KRTAP4-3: variants seen among roughly 807,000 people sequenced by gnomAD.
KRTAP4-3 encodes keratin-associated protein 4-3.
In KRTAP4-3, 2 loss-of-function variants were observed where a neutral mutation model predicts 0.2. The ratio of observed to expected loss-of-function variants is 8.29; its 90% CI spans 3.39 to 26.09. The LOEUF is 26.09. Ranked by LOEUF, KRTAP4-3 falls within the 30% of genes most tolerant of loss-of-function variation. KRTAP4-3 has a pLI of 0.03. For missense variants in KRTAP4-3, 186 were observed against 247.4 expected (o/e 0.75, Z 1.67); for synonymous variants, 65 against 83.6 (o/e 0.78, Z 1.21).
At position 41,167,612 on chromosome 17, in the gene KRTAP4-3, G is replaced by T. The variant is rs1177792874; in HGVS notation, c.561C>A (p.Pro187=). 1 of 1,609,116 alleles carries T rather than the reference G, an allele frequency of 6.2e-7. No individual in the cohort carries two copies. Among genetic ancestry groups the T allele is most frequent in the Non-Finnish European group, 8.5e-7 (1 of 1,176,168 alleles). The stretch of plus-strand genomic sequence containing the variant: ...AGCAGCAAGAACTGCCGCAGCAGAT[G>T]GGGTGGAAGCAGGTTGTTCTACAGC... ...TTCCRTTCFH[P]ICCGSSCC is the part of the protein sequence containing the mutation. Residue 187 remains proline (P), a synonymous_variant, in exon 1 of 1, where the codon CCC becomes CCA. Coordinates refer to ENST00000391356, the MANE Select transcript of KRTAP4-3 (RefSeq NM_033187.2).
Position 41,167,727 on chromosome 17 carries a change from C to G in KRTAP4-3, c.446G>C (p.Cys149Ser). Residue 149 changes from cysteine (C) to serine (S), a missense_variant, in exon 1 of 1, where the codon TGC becomes TCC. Cys to Ser is a moderately radical substitution (Grantham distance 112). Coordinates refer to ENST00000391356, the MANE Select transcript of KRTAP4-3 (RefSeq NM_033187.2). ...CYRPQCCQPSCCRPACCISSC... is the reference protein window; with the variant it reads ...CYRPQCCQPSSCRPACCISSC... ...AGAAATGCAGCAAGCCGGGCGGCAGCAGGAGGGCTGGCAGCACTGGGGCCT... is the reference window on the plus strand; with the variant it reads ...AGAAATGCAGCAAGCCGGGCGGCAGGAGGAGGGCTGGCAGCACTGGGGCCT... 1 of 1,613,870 alleles carries G rather than the reference C, an allele frequency of 6.2e-7. No individual in the cohort carries two copies. Among genetic ancestry groups the G allele is most frequent in the Admixed American group, 1.7e-5 (1 of 59,942 alleles).
At position 41,167,835 on chromosome 17, in the gene KRTAP4-3, G is replaced by A; in HGVS notation, c.338C>T (p.Ser113Phe). 2.5e-6 allele frequency: 4 copies of A among 1,600,796 alleles called. No homozygotes were observed. The highest frequency in any genetic ancestry group is 1.7e-5 in the Admixed American group (1 of 58,286). ...SCCISSCCRP[S>F]CCISSCCKPS... The stretch of plus-strand genomic sequence containing the variant: ...TTTGCAACAGCTAGAGATACAGCAG[G>A]AAGGCCTGCAGCAACTAGAAATGCA... The change falls in exon 1 of 1, where the codon TCC becomes TTC. Residue 113 changes from serine (S) to phenylalanine (F), a missense_variant. This residue lies in a region of KRTAP4-3 where 139 missense variants were observed against 128.3 expected (regional missense o/e 1.08). Coordinates refer to ENST00000391356, the MANE Select transcript of KRTAP4-3 (RefSeq NM_033187.2).
rs372531845 is a variant in KRTAP4-3 at position 41,167,752 on chromosome 17, T to A, written c.421A>T (p.Arg141Trp). Residue 141 changes from arginine (R) to tryptophan (W), a missense_variant, in exon 1 of 1, where the codon AGG becomes TGG. This residue lies in a region of KRTAP4-3 where 139 missense variants were observed against 128.3 expected (regional missense o/e 1.08). Coordinates refer to ENST00000391356, the MANE Select transcript of KRTAP4-3 (RefSeq NM_033187.2). ...RPSCCISSCYRPQCCQPSCCR... is the reference protein window; with the variant it reads ...RPSCCISSCYWPQCCQPSCCR... ...CAGGAGGGCTGGCAGCACTGGGGCC[T>A]GTAGCAGCTGGAGATACAGCAGCTG... The A allele has an allele frequency of 1.9e-5, 30 of 1,613,548 alleles. 1 individual carries two copies. The African/African-American group carries it at 3.3e-4, about 18-fold the overall frequency.
chr17:41,167,407 G>T lies in KRTAP4-3; in HGVS notation c.*178C>A. ...GATGTGGAATTTGACTGTAAATTCA[G>T]ATTCAATAGGAATAAAAACTTCTAT... is the stretch of plus-strand genomic sequence containing the variant. On this transcript the variant is annotated 3_prime_UTR_variant, in exon 1 of 1. Coordinates refer to ENST00000391356, the MANE Select transcript of KRTAP4-3 (RefSeq NM_033187.2). The T allele has an allele frequency of 1.9e-6, 1 of 532,660 alleles. No homozygotes were observed. Among genetic ancestry groups the T allele is most frequent in the Non-Finnish European group, 3.3e-6 (1 of 301,308 alleles). 33.0% of individuals were successfully genotyped at this position (532,660 alleles called of 1,614,324 possible).
chr17:41,167,642 G>T lies in KRTAP4-3; in HGVS notation c.531C>A (p.Thr177=). 1 of 1,613,778 alleles carries T rather than the reference G, an allele frequency of 6.2e-7. No homozygotes were observed. Among genetic ancestry groups the T allele is most frequent in the Non-Finnish European group, 8.5e-7 (1 of 1,179,676 alleles). ...SSCRCPFSCP[T]TCCRTTCFHP... ...GGAAGCAGGTTGTTCTACAGCAGGT[G>T]GTCGGGCAGCTGAAAGGGCAGCGGC... is the stretch of plus-strand genomic sequence containing the variant. The change falls in exon 1 of 1, where the codon ACC becomes ACA. Residue 177 remains threonine (T), a synonymous_variant. Transcript: ENST00000391356.
chr17:41,168,164 G>A lies in KRTAP4-3; in HGVS notation c.9C>T (p.Ser3=), dbSNP rs1239922159. The change falls in exon 1 of 1, where the codon AGC becomes AGT. Residue 3 remains serine, a synonymous_variant. Transcript: ENST00000391356. MV[S]SCCGSVCSDQ... is the part of the protein sequence containing the mutation. Reference sequence around the variant, plus strand: ...CAGAGCAGACAGAGCCACAGCAGGAGCTGACCATGGCGTCAGAGGGTGGAG... The same window carrying A: ...CAGAGCAGACAGAGCCACAGCAGGAACTGACCATGGCGTCAGAGGGTGGAG... 6.2e-7 allele frequency: 1 copy of A among 1,604,064 alleles called. No homozygotes were observed. Among genetic ancestry groups the A allele is most frequent in the South Asian group, 1.1e-5 (1 of 89,800 alleles).
Position 41,167,577 on chromosome 17 carries a change from A to C in KRTAP4-3, c.*8T>G. 1 of 1,589,306 alleles carries C rather than the reference A, an allele frequency of 6.3e-7. No homozygotes were observed. Among genetic ancestry groups the C allele is most frequent in the South Asian group, 1.1e-5 (1 of 87,142 alleles). On this transcript the variant is annotated 3_prime_UTR_variant, in exon 1 of 1. Coordinates refer to ENST00000391356, the MANE Select transcript of KRTAP4-3 (RefSeq NM_033187.2). ...GCAAGAAGGTGCACAAATCCAGAGC[A>C]GCTTCACTCAGCAGCAAGAACTGCC...
Position 41,168,106 on chromosome 17 carries a change from T to A in KRTAP4-3, c.67A>T (p.Ser23Cys), listed in dbSNP as rs1322779416. The A allele has an allele frequency of 6.7e-7, 1 of 1,501,932 alleles. No individual in the cohort carries two copies. The highest frequency in any genetic ancestry group is 2.3e-5 in the East Asian group (1 of 43,028). 93.0% of individuals were successfully genotyped at this position (1,501,932 alleles called of 1,614,324 possible). Residue 23 changes from serine to cysteine, a missense_variant, in exon 1 of 1, where the codon AGC becomes TGC. Transcript: ENST00000391356. Reference sequence around the variant, plus strand: ...TGGCAGCAGCTGGGGCGGCAGCAGCTCTCCTGGCCGAGACCTTGACCACAG... The same window carrying A: ...TGGCAGCAGCTGGGGCGGCAGCAGCACTCCTGGCCGAGACCTTGACCACAG... ...QSCGQGLGQE[S>C]CCRPSCCQTT...
chr17:41,167,736 T>A lies in KRTAP4-3; in HGVS notation c.437A>T (p.Gln146Leu), dbSNP rs2015061761. Residue 146 changes from glutamine (Q) to leucine (L), a missense_variant, in exon 1 of 1, where the codon CAG (glutamine) becomes CTG (leucine). Gln to Leu is a moderately radical substitution (Grantham distance 113). Transcript: ENST00000391356. ...GCAAGCCGGGCGGCAGCAGGAGGGC[T>A]GGCAGCACTGGGGCCTGTAGCAGCT... ...ISSCYRPQCCQPSCCRPACCI... is the reference protein window; with the variant it reads ...ISSCYRPQCCLPSCCRPACCI... The A allele has an allele frequency of 1.9e-6, 3 of 1,613,472 alleles. No individual in the cohort carries two copies. The highest frequency in any genetic ancestry group is 2.5e-6 in the Non-Finnish European group (3 of 1,179,812).
Position 41,167,908 on chromosome 17 carries a change from A to C in KRTAP4-3, c.265T>G (p.Cys89Gly), listed in dbSNP as rs556147990. The C allele has an allele frequency of 2.1e-5, 27 of 1,260,784 alleles. No homozygotes were observed. The East Asian group carries it at 5.1e-4, about 24-fold the overall frequency. The allele number at this position is 1,260,784 out of a possible 1,614,324, so 78.1% of individuals were successfully genotyped here. The change falls in exon 1 of 1, where the codon TGC (cysteine) becomes GGC (glycine). Residue 89 changes from cysteine (C) to glycine (G), a missense_variant. Cys to Gly is a radical substitution (Grantham distance 159). This residue lies in a region of KRTAP4-3 where 8 missense variants were observed against 65.2 expected (regional missense o/e 0.12). Coordinates refer to ENST00000391356, the MANE Select transcript of KRTAP4-3 (RefSeq NM_033187.2). ...GTCCTGCAGCAGCTGGGTTTGCAGC[A>C]GCTGGAGATACAGCAGGAAGGCCTG... ...CCRPSCCISS[C>G]CKPSCCRTTC... is the part of the protein sequence containing the mutation.
chr17:41,167,672 G>GGACACACA lies in KRTAP4-3; in HGVS notation c.493_500dup (p.Ser168ValfsTer33). On this transcript the variant is annotated frameshift_variant, in exon 1 of 1. Transcript: ENST00000391356. LOFTEE classifies it low-confidence loss of function (END_TRUNC). ...GGCAGCTGAAAGGGCAGCGGCAGCT[G>GGACACACA]GACACACAGCAGCTGGGATGACAGC... The GGACACACA allele has an allele frequency of 6.2e-7, 1 of 1,614,086 alleles. No homozygotes were observed. Among genetic ancestry groups the GGACACACA allele is most frequent in the South Asian group, 1.1e-5 (1 of 91,072 alleles).
rs766098812 is a variant in KRTAP4-3, at chr17:41,167,781, C to T, written c.392G>A (p.Arg131His). The change falls in exon 1 of 1, where the codon CGC becomes CAC. Residue 131 changes from arginine (R) to histidine (H), a missense_variant. By Grantham distance (29) the Arg-to-His change is conservative. Around this residue, in one of 3 missense-constraint regions of KRTAP4-3, gnomAD observed 139 missense variants for 128.3 expected, o/e 1.08. Coordinates refer to ENST00000391356, the MANE Select transcript of KRTAP4-3 (RefSeq NM_033187.2). ...GCAGCTGGAGATACAGCAGCTGGGGCGGCAGCAGGTGGTCTGGCAGCAGCT... is the reference window on the plus strand; with the variant it reads ...GCAGCTGGAGATACAGCAGCTGGGGTGGCAGCAGGTGGTCTGGCAGCAGCT... ...KPSCCQTTCC[R>H]PSCCISSCYR... 29 of 1,606,306 alleles carry T rather than the reference C, an allele frequency of 1.8e-5. No homozygotes were observed. The highest frequency in any genetic ancestry group is 9.6e-5 in the African/African-American group (7 of 72,952).
Position 41,167,265 on chromosome 17 carries a change from AT to A in KRTAP4-3, c.*319del, listed in dbSNP as rs2015055084. The A allele has an allele frequency of 3.9e-6, 1 of 257,378 alleles. No homozygotes were observed. Among genetic ancestry groups the A allele is most frequent in the Non-Finnish European group, 7.3e-6 (1 of 136,150 alleles). 15.9% of individuals were successfully genotyped at this position (257,378 alleles called of 1,614,324 possible). On this transcript the variant is annotated 3_prime_UTR_variant, in exon 1 of 1. Transcript: ENST00000391356. ...ACACTATGAAGTTTTATTGAGGAAC[AT>A]CAAACAATTCCACATGAAAATTGAT...
chr17:41,167,326 G>T lies in KRTAP4-3; in HGVS notation c.*259C>A. On this transcript the variant is annotated 3_prime_UTR_variant, in exon 1 of 1. Transcript: ENST00000391356. ...AACATTAGGAAGAAACATCTAGAAG[G>T]ATACCATTTGAAGATTTATGTATAT... 5.0e-6 allele frequency: 2 copies of T among 396,364 alleles called. No individual in the cohort carries two copies. Among genetic ancestry groups the T allele is most frequent in the Non-Finnish European group, 4.5e-6 (1 of 224,164 alleles). The allele number at this position is 396,364 out of a possible 1,614,324, so 24.6% of individuals were successfully genotyped here. A position where few individuals can be genotyped will look rare whatever the true frequency, so the allele number is the denominator to read the frequency against.
Position 41,167,536 on chromosome 17 carries a change from G to A in KRTAP4-3, c.*49C>T. ...TTCTCTGAATAGATACTCTGTGCCT[G>A]AACTGAAGGTTGAGAGCAAGAAGGT... On this transcript the variant is annotated 3_prime_UTR_variant, in exon 1 of 1. Coordinates refer to ENST00000391356, the MANE Select transcript of KRTAP4-3 (RefSeq NM_033187.2). 2.1e-6 allele frequency: 3 copies of A among 1,435,720 alleles called. No individual in the cohort carries two copies. Among genetic ancestry groups the A allele is most frequent in the Non-Finnish European group, 2.9e-6 (3 of 1,038,666 alleles). 88.9% of individuals were successfully genotyped at this position (1,435,720 alleles called of 1,614,324 possible).
chr17:41,167,590 A>T lies in KRTAP4-3; in HGVS notation c.583T>A (p.Cys195Ser), dbSNP rs753157876. The part of the protein sequence containing the change: ...FHPICCGSSC[C>S] The stretch of plus-strand genomic sequence containing the variant: ...CAAATCCAGAGCAGCTTCACTCAGC[A>T]GCAAGAACTGCCGCAGCAGATGGGG... Residue 195 changes from cysteine (C) to serine (S), a missense_variant, in exon 1 of 1, where the codon TGC (cysteine) becomes AGC (serine). By Grantham distance (112) the Cys-to-Ser change is moderately radical (BLOSUM62 -1). Around this residue, in one of 3 missense-constraint regions of KRTAP4-3, gnomAD observed 139 missense variants for 128.3 expected, o/e 1.08. Coordinates refer to ENST00000391356, the MANE Select transcript of KRTAP4-3 (RefSeq NM_033187.2). 6.9e-6 allele frequency: 11 copies of T among 1,601,380 alleles called. No individual in the cohort carries two copies. In the South Asian group the frequency reaches 9.0e-5, roughly 13 times the overall value.
Position 41,167,496 on chromosome 17 carries a change from C to T in KRTAP4-3, c.*89G>A. On this transcript the variant is annotated 3_prime_UTR_variant, in exon 1 of 1. Transcript: ENST00000391356. The stretch of plus-strand genomic sequence containing the variant: ...GTCCATGCCTCTGTTTTCACGACAT[C>T]AGGAAGTCCACATGTTCTCTGAATA... 1 of 1,031,176 alleles carries T rather than the reference C, an allele frequency of 9.7e-7. No homozygotes were observed. Among genetic ancestry groups the T allele is most frequent in the Non-Finnish European group, 1.4e-6 (1 of 700,222 alleles). The allele number at this position is 1,031,176 out of a possible 1,614,324, so 63.9% of individuals were successfully genotyped here.
chr17:41,167,936 G>A lies in KRTAP4-3; in HGVS notation c.237C>T (p.Cys79=). ...CCRPSCCISS[C]CRPSCCISSC... ...TGGAGATACAGCAGGAAGGCCTGCAGCAACTGGAAATGCAGCAGCTGGGGC... is the reference window on the plus strand; with the variant it reads ...TGGAGATACAGCAGGAAGGCCTGCAACAACTGGAAATGCAGCAGCTGGGGC... Residue 79 remains cysteine (C), a synonymous_variant, in exon 1 of 1, where the codon TGC becomes TGT. Transcript: ENST00000391356. The A allele has an allele frequency of 1.7e-6, 2 of 1,202,434 alleles. No individual in the cohort carries two copies. The highest frequency in any genetic ancestry group is 2.3e-6 in the Non-Finnish European group (2 of 867,104). The allele number at this position is 1,202,434 out of a possible 1,614,324, so 74.5% of individuals were successfully genotyped here. A position where few individuals can be genotyped will look rare whatever the true frequency, so the allele number is the denominator to read the frequency against.
chr17:41,167,646 G>T lies in KRTAP4-3; in HGVS notation c.527C>A (p.Pro176Gln), dbSNP rs770059662. ...GCAGGTTGTTCTACAGCAGGTGGTC[G>T]GGCAGCTGAAAGGGCAGCGGCAGCT... is the stretch of plus-strand genomic sequence containing the variant. ...VSSCRCPFSCPTTCCRTTCFH... is the reference protein window; with the variant it reads ...VSSCRCPFSCQTTCCRTTCFH... The change falls in exon 1 of 1, where the codon CCG becomes CAG. Residue 176 changes from proline (P) to glutamine (Q), a missense_variant. Pro to Gln is a moderately conservative substitution (Grantham distance 76, BLOSUM62 -1). Coordinates refer to ENST00000391356, the MANE Select transcript of KRTAP4-3 (RefSeq NM_033187.2). 1.9e-6 allele frequency: 3 copies of T among 1,613,378 alleles called. No homozygotes were observed. In the East Asian group the frequency reaches 6.7e-5, roughly 36 times the overall value.
Sources: allele counts gnomAD v4.1 joint callset, GRCh38; gene constraint gnomAD v4.1.1; regional missense constraint gnomAD v4.1.1; transcripts MANE v1.5; gene names NCBI Gene and HGNC (gene_info 2026-07-23, HGNC 2026-07-21).